Variants in C11orf97 observed in about 807,000 individuals in gnomAD.
C11orf97 encodes chromosome 11 open reading frame 97.
C11orf97 carries 15 observed loss-of-function variants against 16.2 expected under a neutral mutation model. The ratio of observed to expected loss-of-function variants is 0.93; its 90% CI spans 0.62 to 1.43. The LOEUF (loss-of-function observed/expected upper bound fraction) is 1.43. Among genes scored for constraint, C11orf97 ranks in the 40% most tolerant of loss-of-function variants. The pLI, the probability that C11orf97 is intolerant of heterozygous loss-of-function variation, is 0.00. For missense variants in C11orf97, 171 were observed against 161.2 expected (o/e 1.06, Z -0.33); for synonymous variants, 61 against 65.7 (o/e 0.93, Z 0.34).
At chr11:94,531,835 G>T in intron 3 of C11orf97, 61 bp from the exon 4 acceptor site, 2 of 1,303,384 alleles carry the variant, frequency 1.5e-6, no homozygotes, top group Admixed American at 3.3e-5. Context: ...AAATGGGTGA[G>T]ATTAAAGAGC....
chr11:94,532,024 T>C lies in C11orf97; in HGVS notation c.*124T>C, dbSNP rs1266997109. The C allele has an allele frequency of 1.5e-6, 1 of 689,010 alleles. No homozygotes were observed. The highest frequency in any genetic ancestry group is 1.9e-5 in the African/African-American group (1 of 53,938). 42.7% of individuals were successfully genotyped at this position (689,010 alleles called of 1,614,324 possible). On this transcript the variant is annotated 3_prime_UTR_variant, in exon 4 of 4. Transcript: ENST00000542198. ...AAAAAATGATAGCCTGTAATTACTATTATTGGTATTAATACCTATCTATAA... is the reference window on the plus strand; with the variant it reads ...AAAAAATGATAGCCTGTAATTACTACTATTGGTATTAATACCTATCTATAA...
rs186376148 is a variant in C11orf97 at position 94,518,253 on chromosome 11, C to A, written c.250+566C>A. Among the ~76,000 whole-genome samples the A allele has an allele frequency of 1.4e-3, 207 of 151,328 alleles. 2 individuals are homozygous for A. Among genetic ancestry groups the A allele is most frequent in the African/African-American group, 3.8e-3 (158 of 41,240 alleles). On this transcript the variant is annotated intron_variant, in intron 2 of 3. Coordinates refer to ENST00000542198, the MANE Select transcript of C11orf97 (RefSeq NM_001190462.2). ...TGACATGTACCATTTTTTCCAAGTG[C>A]CTGAAAAACACAATAATAACTTCAA...
At chr11:94,528,475 T>C (rs1423950914) in intron 3 of C11orf97, among the ~76,000 whole-genome samples, 4 of 152,248 alleles carry the variant, frequency 2.6e-5, no homozygotes, top group Non-Finnish European at 5.9e-5. Flanking sequence ...ACTTTCTATC[T>C]ACACAAGACT....
intron 2 of C11orf97, among the ~76,000 whole-genome samples, chr11:94,517,940 G>C (rs1009518996): frequency 6.6e-6 from 1 of 152,112 alleles, no homozygotes; most frequent in East Asian, 1.9e-4. Flanking sequence ...ACGAGGTCAG[G>C]AGATTGAGAC....
chr11:94,522,082 T>A (rs1401304496), intron 2 of C11orf97, among the ~76,000 whole-genome samples: 1 of 152,224 alleles, frequency 6.6e-6, no homozygotes, highest in Non-Finnish European at 1.5e-5. Flanking sequence ...TTTCCCACAG[T>A]CTTGTAATCT....
intron 2 of C11orf97, 93 bp downstream of exon 2, chr11:94,517,780 A>T: frequency 1.2e-6 from 1 of 858,614 alleles, no homozygotes; most frequent in Non-Finnish European, 1.7e-6. Flanking sequence ...CATACTATTG[A>T]AATAAAAAGT....
In C11orf97 at chr11:94,532,075, T is replaced by C. The variant is rs1405872812; in HGVS notation, c.*175T>C. 2.4e-6 allele frequency: 1 copy of C among 422,284 alleles called. No individual in the cohort carries two copies. Among genetic ancestry groups the C allele is most frequent in the African/African-American group, 2.0e-5 (1 of 48,804 alleles). 26.2% of individuals were successfully genotyped at this position (422,284 alleles called of 1,614,324 possible). ...ATTAATCCAAAGTAATGAAAGACTA[T>C]TGGTAATGTTCAGTAAGTACCTGAA... On this transcript the variant is annotated 3_prime_UTR_variant, in exon 4 of 4. Coordinates refer to ENST00000542198, the MANE Select transcript of C11orf97 (RefSeq NM_001190462.2).
At position 94,528,197 on chromosome 11, in the gene C11orf97, G is replaced by A. The variant is rs943270340; in HGVS notation, c.364G>A (p.Gly122Arg). Reference sequence around the variant, plus strand: ...ACAAGCCAAGTACTACTCCAGGCACGGAGGACTCAGAAGTAAGACCCTGAT... The same window carrying A: ...ACAAGCCAAGTACTACTCCAGGCACAGAGGACTCAGAAGTAAGACCCTGAT... ...LPQAKYYSRH[G>R]GLRR The change falls in exon 3 of 4, where the codon GGA (glycine) becomes AGA (arginine). Residue 122 changes from glycine to arginine, a missense_variant. Coordinates refer to ENST00000542198, the MANE Select transcript of C11orf97 (RefSeq NM_001190462.2). 2.5e-5 allele frequency: 39 copies of A among 1,534,500 alleles called. No homozygotes were observed. The highest frequency in any genetic ancestry group is 1.6e-4 in the African/African-American group (12 of 72,936).
At chr11:94,518,677 G>A (rs571916209) in intron 2 of C11orf97, among the ~76,000 whole-genome samples, 1 of 152,078 alleles carries the variant, frequency 6.6e-6, no homozygotes, top group Non-Finnish European at 1.5e-5. Context: ...CCTTCTCAAC[G>A]ATTACTAGAT....
chr11:94,529,878 G>A (rs1448510238), intron 3 of C11orf97, among the ~76,000 whole-genome samples: 4 of 152,210 alleles, frequency 2.6e-5, no homozygotes, highest in African/African-American at 9.6e-5. Flanking sequence ...TTCAACCAAA[G>A]TCTGGGCCAC....
intron 3 of C11orf97, 71 bp downstream of exon 3, chr11:94,528,280 T>C (rs1947714339): frequency 1.5e-6 from 2 of 1,337,896 alleles, no homozygotes; most frequent in Non-Finnish European, 2.0e-6. Flanking sequence ...ACCAGTGGTA[T>C]ATGCTCTGTT....
chr11:94,519,226 GCAGA>G (rs1291654374), intron 2 of C11orf97, among the ~76,000 whole-genome samples: 3 of 152,090 alleles, frequency 2.0e-5, no homozygotes, highest in Non-Finnish European at 4.4e-5. Context: ...CATTTCTAAA[GCAGA>G]CATAGAAACT....
At chr11:94,520,525 C>G (rs1947649865) in intron 2 of C11orf97, among the ~76,000 whole-genome samples, 1 of 152,202 alleles carries the variant, frequency 6.6e-6, no homozygotes, top group African/African-American at 2.4e-5. Flanking sequence ...CCAAAACCTA[C>G]TTGATTCTCC....
chr11:94,530,784 A>T (rs568392216), intron 3 of C11orf97, among the ~76,000 whole-genome samples: 24 of 152,210 alleles, frequency 1.6e-4, no homozygotes, highest in Non-Finnish European at 2.2e-4. Context: ...AATGCAAACA[A>T]TAGAGGGAAA....
At chr11:94,512,944 A>AAC (rs10560506) in intron 1 of C11orf97, among the ~76,000 whole-genome samples, 5,902 of 150,750 alleles carry the variant, frequency 0.039, 337 homozygotes, top group African/African-American at 0.13. Flanking sequence ...GAAAGGAATT[A>AAC]ACACACACAC....
At chr11:94,529,226 A>G (rs776495475) in intron 3 of C11orf97, among the ~76,000 whole-genome samples, 10 of 152,162 alleles carry the variant, frequency 6.6e-5, no homozygotes, top group Non-Finnish European at 1.2e-4. Flanking sequence ...TAGGATGTCT[A>G]TTGGACCTGA....
chr11:94,517,225 C>T (rs1270930785), intron 1 of C11orf97, among the ~76,000 whole-genome samples: 3 of 152,198 alleles, frequency 2.0e-5, no homozygotes, highest in Non-Finnish European at 2.9e-5. Context: ...GCTCTGTCTT[C>T]AGCCCCTAGC....
chr11:94,525,897 T>C (rs577481318), intron 2 of C11orf97, among the ~76,000 whole-genome samples: 1 of 152,310 alleles, frequency 6.6e-6, no homozygotes, highest in East Asian at 1.9e-4. Context: ...AAAGGCATGG[T>C]TTAGTCATTT....
At chr11:94,515,691 C>T (rs1017918098) in intron 1 of C11orf97, among the ~76,000 whole-genome samples, 5 of 151,116 alleles carry the variant, frequency 3.3e-5, no homozygotes, top group Non-Finnish European at 7.4e-5. Context: ...CCTCTCCTTT[C>T]CTTCCTGGCC....
Sources: allele counts gnomAD v4.1 joint callset (sites outside exome capture counted in the v4.1 genomes callset), GRCh38; gene constraint gnomAD v4.1.1; transcripts MANE v1.5; gene names NCBI Gene and HGNC (gene_info 2026-07-23, HGNC 2026-07-21).